The following PLPP1 variants were observed in gnomAD, a reference collection of about 807,000 sequenced individuals.
PLPP1 encodes the protein phospholipid phosphatase 1.
Under a neutral mutation model 31.2 loss-of-function variants are expected in PLPP1, and 24 were observed. The observed-to-expected ratio is 0.77, with a 90% confidence interval of 0.56 to 1.08. The LOEUF is 1.08. PLPP1 is among the 50% of genes least tolerant of loss of function. The pLI is 0.00. For missense variants in PLPP1, 319 were observed against 342.7 expected (o/e 0.93, Z 0.55); for synonymous variants, 146 against 126.3 (o/e 1.16, Z -1.05).
At chr5:55,512,477 A>C (rs1753438511) in intron 1 of PLPP1, among the ~76,000 whole-genome samples, 1 of 23,574 alleles carries the variant, frequency 4.2e-5, no homozygotes, top group African/African-American at 1.2e-4. Context: ...TCAAAAAAAA[A>C]AAAAAAGAAA....
chr5:55,503,919 G>C (rs1436755555), intron 1 of PLPP1, among the ~76,000 whole-genome samples: 1 of 111,014 alleles, frequency 9.0e-6, no homozygotes, highest in Non-Finnish European at 1.9e-5. Context: ...GGAAGGGGGG[G>C]GAGGAATGGG....
chr5:55,494,257 A>G (rs1752957923), intron 1 of PLPP1, among the ~76,000 whole-genome samples: 1 of 152,194 alleles, frequency 6.6e-6, no homozygotes, highest in South Asian at 2.1e-4. Context: ...TAATTAGGTG[A>G]TAAGTAGTGT....
At chr5:55,479,655 T>A (rs1040030350) in intron 1 of PLPP1, among the ~76,000 whole-genome samples, 1 of 152,196 alleles carries the variant, frequency 6.6e-6, no homozygotes, top group Non-Finnish European at 1.5e-5. Flanking sequence ...AATGGGAAAG[T>A]AGCTCTGGCT....
At chr5:55,526,045 G>A (rs1198497379) in intron 1 of PLPP1, among the ~76,000 whole-genome samples, 1 of 151,784 alleles carries the variant, frequency 6.6e-6, no homozygotes, top group Non-Finnish European at 1.5e-5. Context: ...TCAAAATCTG[G>A]GAGTTTAGTG....
At chr5:55,452,031 T>C (rs1449694838) in intron 3 of PLPP1, among the ~76,000 whole-genome samples, 1 of 152,204 alleles carries the variant, frequency 6.6e-6, no homozygotes, top group Non-Finnish European at 1.5e-5. Context: ...CTTGTTACTC[T>C]CCTGCTTCAA....
At chr5:55,526,702 G>A (rs1740451309) in intron 1 of PLPP1, among the ~76,000 whole-genome samples, 1 of 152,116 alleles carries the variant, frequency 6.6e-6, no homozygotes, top group South Asian at 2.1e-4. Flanking sequence ...GGAGGCCGAG[G>A]TGGGCGGATC....
intron 1 of PLPP1, among the ~76,000 whole-genome samples, chr5:55,526,918 C>A (rs757524534): frequency 9.2e-6 from 1 of 108,642 alleles, no homozygotes; most frequent in Non-Finnish European, 1.7e-5. Context: ...GGCGACAGAG[C>A]GAGATTCCAT....
chr5:55,530,335 C>T, intron 1 of PLPP1: 2 of 1,417,070 alleles, frequency 1.4e-6, no homozygotes. Context: ...GGACATGTCA[C>T]AGGAACTATC....
At chr5:55,425,657 A>G in intron 5 of PLPP1, 1 of 498,896 alleles carries the variant, frequency 2.0e-6, no homozygotes, top group South Asian at 5.3e-5. Context: ...TAAAAATACT[A>G]AGATTTTACA....
At position 55,442,457 on chromosome 5, in the gene PLPP1, T is replaced by G. The variant is rs182990928; in HGVS notation, c.492-549A>C. Among the ~76,000 whole-genome samples the G allele has an allele frequency of 5.7e-3, 861 of 152,054 alleles. 4 individuals carry two copies. The highest frequency in any genetic ancestry group is 0.019 in the African/African-American group (790 of 41,466). The stretch of plus-strand genomic sequence containing the variant: ...TCACGAGGTCAGGAGATCGAGACCA[T>G]CCTGGCCAACATGGTGAAACCCCAT... On this transcript the variant is annotated intron_variant, in intron 3 of 5. Transcript: ENST00000307259.
chr5:55,451,554 AC>A (rs1234932265), intron 3 of PLPP1, among the ~76,000 whole-genome samples: 4 of 147,448 alleles, frequency 2.7e-5, no homozygotes, highest in Admixed American at 6.8e-5. Flanking sequence ...ACTTAGAGAA[AC>A]CTTTTTTTTT....
At chr5:55,510,089 G>A (rs1233600341) in intron 1 of PLPP1, among the ~76,000 whole-genome samples, 3 of 152,162 alleles carry the variant, frequency 2.0e-5, no homozygotes, top group Non-Finnish European at 4.4e-5. Flanking sequence ...GGTATTTGAA[G>A]CTATAACTTA....
intron 3 of PLPP1, among the ~76,000 whole-genome samples, chr5:55,459,212 C>A (rs1752097586): frequency 1.4e-5 from 2 of 141,280 alleles, no homozygotes; most frequent in South Asian, 2.7e-4. Context: ...ACATTGATAC[C>A]AAAAAGGAGC....
chr5:55,523,235 A>T (rs1753711662), intron 1 of PLPP1, among the ~76,000 whole-genome samples: 1 of 152,144 alleles, frequency 6.6e-6, no homozygotes, highest in Non-Finnish European at 1.5e-5. Flanking sequence ...GTTACGAACA[A>T]TCCAATTATA....
intron 4 of PLPP1, among the ~76,000 whole-genome samples, chr5:55,441,289 T>C (rs1451228167): frequency 6.6e-6 from 1 of 152,220 alleles, no homozygotes; most frequent in East Asian, 1.9e-4. Flanking sequence ...GCTCTACAGG[T>C]TGGCATCAGA....
chr5:55,481,266 C>A (rs185392429), intron 1 of PLPP1, among the ~76,000 whole-genome samples: 34 of 152,314 alleles, frequency 2.2e-4, no homozygotes, highest in African/African-American at 8.2e-4. Context: ...GTTAAAAACT[C>A]TTTTACATGT....
chr5:55,530,578 TACA>T (rs1215370466), intron 1 of PLPP1: 16 of 1,315,908 alleles, frequency 1.2e-5, no homozygotes, highest in Non-Finnish European at 1.7e-5. Context: ...TGATACTTCT[TACA>T]AGATTTGCAA....
chr5:55,517,642 TTCA>T (rs1383894063), intron 1 of PLPP1, among the ~76,000 whole-genome samples: 1 of 152,198 alleles, frequency 6.6e-6, no homozygotes, highest in Non-Finnish European at 1.5e-5. Context: ...AATTCCCTAC[TTCA>T]GGCAATGTAA....
At chr5:55,503,781 C>CGAAG (rs1753197183) in intron 1 of PLPP1, among the ~76,000 whole-genome samples, 1 of 121,968 alleles carries the variant, frequency 8.2e-6, no homozygotes, top group South Asian at 2.9e-4. Context: ...TGTCTCAAAA[C>CGAAG]GAAGGAGAGG....
Sources: gnomAD v4.1 joint callset for allele counts (sites outside exome capture counted in the v4.1 genomes callset) on GRCh38, gnomAD v4.1.1 for gene constraint, MANE v1.5 for transcripts, NCBI Gene and HGNC (gene_info 2026-07-23, HGNC 2026-07-21) for gene names.